The following CSMD1 variants were observed in gnomAD, a reference collection of about 807,000 sequenced individuals.
CSMD1 encodes the protein CUB and Sushi multiple domains 1, also known as CUB and sushi domain-containing protein 1.
CSMD1 carries 213 observed loss-of-function variants against 417.5 expected under a neutral mutation model. That is an observed-to-expected ratio of 0.51 (90% CI 0.46 to 0.57). CSMD1 has a LOEUF of 0.57. Among genes scored for constraint, CSMD1 ranks in the 20% least tolerant of loss-of-function variants. The probability of loss-of-function intolerance (pLI) is 0.00; values close to 1 mark genes in which losing one functional copy is unlikely to be tolerated. For missense variants in CSMD1, 6,923 were observed against 4,529.7 expected, an observed-to-expected ratio of 1.53 and a Z score of -15.17; for synonymous variants, 2,862 against 1,736.8, an observed-to-expected ratio of 1.65 and a Z score of -16.11.
At chr8:3,201,804 T>A in intron 31 of CSMD1, 79 bp from the exon 32 acceptor site, 2 of 711,282 alleles carry the variant, frequency 2.8e-6, no homozygotes, top group Non-Finnish European at 4.7e-6. Flanking sequence ...ACTGAATATC[T>A]ATTAATTGCC....
At chr8:3,365,513 C>G (rs1317815078) in intron 20 of CSMD1, among the ~76,000 whole-genome samples, 1 of 152,172 alleles carries the variant, frequency 6.6e-6, no homozygotes, top group Non-Finnish European at 1.5e-5. Flanking sequence ...TCCATTTATA[C>G]ATGAATTGTT....
At chr8:4,180,579 A>G (rs1798307657) in intron 3 of CSMD1, among the ~76,000 whole-genome samples, 1 of 152,048 alleles carries the variant, frequency 6.6e-6, no homozygotes, top group Non-Finnish European at 1.5e-5. Flanking sequence ...AAGTATAATA[A>G]TAATTAAAAA....
At chr8:4,861,211 C>A (rs1314249471) in intron 1 of CSMD1, among the ~76,000 whole-genome samples, 1 of 152,134 alleles carries the variant, frequency 6.6e-6, no homozygotes, top group Non-Finnish European at 1.5e-5. Flanking sequence ...CTGCTCTAAT[C>A]TATTTCATTA....
chr8:4,157,995 T>C (rs1584928199), intron 3 of CSMD1, among the ~76,000 whole-genome samples: 1 of 152,118 alleles, frequency 6.6e-6, no homozygotes, highest in Non-Finnish European at 1.5e-5. Context: ...GCTAGGACCC[T>C]TTCCTGCTCA....
intron 1 of CSMD1, among the ~76,000 whole-genome samples, chr8:4,682,561 A>G (rs1319387028): frequency 6.6e-6 from 1 of 152,134 alleles, no homozygotes; most frequent in African/African-American, 2.4e-5. Flanking sequence ...TGTTTTAAAA[A>G]CAGATAAGAT....
intron 3 of CSMD1, among the ~76,000 whole-genome samples, chr8:4,186,222 G>T (rs1519170): frequency 6.6e-6 from 1 of 151,952 alleles, no homozygotes; most frequent in African/African-American, 2.4e-5. Flanking sequence ...AGCTCAGGAC[G>T]GCCAAACTGT....
chr8:4,523,687 A>G (rs950716896), intron 2 of CSMD1, among the ~76,000 whole-genome samples: 4 of 152,228 alleles, frequency 2.6e-5, no homozygotes, highest in Admixed American at 2.0e-4. Flanking sequence ...AGGTCTGCTT[A>G]TGAAATGATC....
chr8:4,218,242 T>C (rs997214487), intron 3 of CSMD1, among the ~76,000 whole-genome samples: 1 of 152,330 alleles, frequency 6.6e-6, no homozygotes, highest in Non-Finnish European at 1.5e-5. Flanking sequence ...CCCAGGGATG[T>C]AGCAATTTAT....
At chr8:4,165,667 T>G (rs983509859) in intron 3 of CSMD1, among the ~76,000 whole-genome samples, 6 of 152,202 alleles carry the variant, frequency 3.9e-5, no homozygotes, top group Non-Finnish European at 8.8e-5. Flanking sequence ...CCTCCCAAAG[T>G]GCCGGAATTA....
At chr8:4,456,180 G>A (rs1799470873) in intron 2 of CSMD1, among the ~76,000 whole-genome samples, 1 of 151,578 alleles carries the variant, frequency 6.6e-6, no homozygotes, top group African/African-American at 2.4e-5. Flanking sequence ...GAAAAAGCAT[G>A]ACACAAACTT....
At chr8:4,423,479 T>A (rs972022280) in intron 2 of CSMD1, among the ~76,000 whole-genome samples, 7 of 152,036 alleles carry the variant, frequency 4.6e-5, no homozygotes, top group Non-Finnish European at 8.8e-5. Context: ...AAAGCTTCTG[T>A]ATAAATACAA....
At chr8:3,251,303 C>G (rs1431746584) in intron 26 of CSMD1, among the ~76,000 whole-genome samples, 1 of 152,088 alleles carries the variant, frequency 6.6e-6, no homozygotes, top group Non-Finnish European at 1.5e-5. Flanking sequence ...TTTCCCAGCA[C>G]CATTTATTAA....
At chr8:4,778,417 G>T (rs949876946) in intron 1 of CSMD1, among the ~76,000 whole-genome samples, 5 of 151,988 alleles carry the variant, frequency 3.3e-5, no homozygotes, top group Non-Finnish European at 7.4e-5. Context: ...CTAGAGCTCC[G>T]GTGGTAATTT....
chr8:3,380,910 G>A (rs1810589264), intron 18 of CSMD1, among the ~76,000 whole-genome samples: 2 of 151,992 alleles, frequency 1.3e-5, no homozygotes, highest in Admixed American at 6.6e-5. Context: ...AAAAGTTTTG[G>A]TTAGATAGTA....
chr8:3,233,071 G>T, intron 26 of CSMD1, among the ~76,000 whole-genome samples: 1 of 147,944 alleles, frequency 6.8e-6, no homozygotes, highest in African/African-American at 2.5e-5. Context: ...CAATTTGTTT[G>T]CTTATTATGT....
chr8:3,439,399 A>G (rs939044989), intron 12 of CSMD1, among the ~76,000 whole-genome samples: 3 of 143,858 alleles, frequency 2.1e-5, no homozygotes, highest in Non-Finnish European at 4.5e-5. Context: ...CTGATAGCTA[A>G]AGGTGTTACA....
rs547143633 is a variant in CSMD1, at chr8:4,957,585, C to A, written c.85+36747G>T. 2.0e-5 allele frequency among the ~76,000 whole-genome samples: 3 copies of A among 152,148 alleles called. No individual in the cohort carries two copies. The South Asian group carries it at 6.2e-4, about 32-fold the overall frequency. On this transcript the variant is annotated intron_variant, in intron 1 of 69. Transcript: ENST00000635120. ...GTCTTTGTAGACAATTAAAAATAAT[C>A]TTGTGAAAGATCCTCATATGAAAGA...
chr8:4,378,416 CATG>C (rs1483017835), intron 3 of CSMD1, among the ~76,000 whole-genome samples: 1 of 152,194 alleles, frequency 6.6e-6, no homozygotes, highest in Admixed American at 6.6e-5. Flanking sequence ...AACAGAAGAG[CATG>C]ATATCAATTG....
intron 2 of CSMD1, among the ~76,000 whole-genome samples, chr8:4,512,871 A>G (rs534701776): frequency 6.6e-6 from 1 of 152,216 alleles, no homozygotes; most frequent in South Asian, 2.1e-4. Context: ...CGAACTTTAA[A>G]TACCTATTAC....
Sources: allele counts gnomAD v4.1 joint callset (sites outside exome capture counted in the v4.1 genomes callset), GRCh38; gene constraint gnomAD v4.1.1; transcripts MANE v1.5; gene names NCBI Gene and HGNC (gene_info 2026-07-23, HGNC 2026-07-21).